KAZN: variants seen among roughly 807,000 people sequenced by gnomAD.
KAZN encodes kazrin, periplakin interacting protein, also known as kazrin.
In KAZN, 40 loss-of-function variants were observed where a neutral mutation model predicts 87.4. That is an observed-to-expected ratio of 0.46 (90% CI 0.36 to 0.60). The LOEUF is 0.60. Ranked by LOEUF, KAZN falls within the 20% of genes least tolerant of loss-of-function variation. The probability of loss-of-function intolerance (pLI) is 0.00; values close to 1 mark genes in which losing one functional copy is unlikely to be tolerated. For synonymous variants in KAZN, 466 were observed against 458.3 expected, an observed-to-expected ratio of 1.02 and a Z score of -0.22; for missense variants, 898 against 1,073.9, an observed-to-expected ratio of 0.84 and a Z score of 2.29.
At chr1:14,753,584 TA>T (rs199753799) in intron 1 of KAZN, among the ~76,000 whole-genome samples, 7,202 of 150,744 alleles carry the variant, frequency 0.048, 233 homozygotes, top group East Asian at 0.15. Flanking sequence ...TACTTAAAAT[TA>T]AAAAAAAATA....
intron 4 of KAZN, among the ~76,000 whole-genome samples, chr1:15,054,752 A>G (rs904039863): frequency 2.6e-5 from 4 of 152,280 alleles, no homozygotes; most frequent in Admixed American, 2.0e-4. Flanking sequence ...CACTTCTAAT[A>G]AAACCCCAGA....
intron 1 of KAZN, among the ~76,000 whole-genome samples, chr1:14,079,927 T>G (rs1311162043): frequency 6.8e-6 from 1 of 148,046 alleles, no homozygotes; most frequent in Non-Finnish European, 1.5e-5. Context: ...AATTTCAACA[T>G]GACATTTGCA....
chr1:14,755,013 G>A (rs936709616), intron 1 of KAZN, among the ~76,000 whole-genome samples: 2 of 151,440 alleles, frequency 1.3e-5, no homozygotes, highest in Admixed American at 6.6e-5. Context: ...CGGCCAAGGC[G>A]GGAGGATCGC....
At chr1:14,338,289 C>T (rs532711538) in intron 2 of KAZN, among the ~76,000 whole-genome samples, 1 of 149,232 alleles carries the variant, frequency 6.7e-6, no homozygotes, top group East Asian at 2.0e-4. Flanking sequence ...GCCTGGCCAA[C>T]ATGGCGAAAC....
intron 1 of KAZN, among the ~76,000 whole-genome samples, chr1:14,089,935 A>G (rs1408399353): frequency 2.6e-5 from 4 of 151,744 alleles, no homozygotes; most frequent in Admixed American, 1.3e-4. Context: ...AAATCACTCC[A>G]TTGTCTTCTA....
intron 2 of KAZN, among the ~76,000 whole-genome samples, chr1:14,523,946 G>A (rs554374963): frequency 4.6e-5 from 7 of 152,304 alleles, no homozygotes; most frequent in Non-Finnish European, 5.9e-5. Context: ...AGAGCGAGGT[G>A]TTGTTTTGAA....
intron 1 of KAZN, among the ~76,000 whole-genome samples, chr1:14,680,654 T>G (rs951312237): frequency 2.0e-5 from 3 of 152,102 alleles, no homozygotes; most frequent in African/African-American, 7.2e-5. Context: ...GATGTTCCCC[T>G]CCCTATGTCC....
chr1:14,866,675 T>C (rs1301117431), intron 1 of KAZN, among the ~76,000 whole-genome samples: 2 of 152,190 alleles, frequency 1.3e-5, no homozygotes, highest in Non-Finnish European at 2.9e-5. Flanking sequence ...TGCAGTGAGC[T>C]GTGATTGTGC....
At chr1:14,074,461 C>T (rs1360420823) in intron 1 of KAZN, among the ~76,000 whole-genome samples, 2 of 152,228 alleles carry the variant, frequency 1.3e-5, no homozygotes, top group African/African-American at 4.8e-5. Flanking sequence ...CAATGGGACC[C>T]TCTCCTGGGG....
chr1:14,627,488 C>G (rs970992941), intron 1 of KAZN, among the ~76,000 whole-genome samples: 21 of 152,144 alleles, frequency 1.4e-4, no homozygotes, highest in African/African-American at 4.8e-4. Context: ...CGATCTCACT[C>G]AGGACTTAAA....
chr1:14,717,069 C>A (rs978260351), intron 1 of KAZN, among the ~76,000 whole-genome samples: 2 of 150,068 alleles, frequency 1.3e-5, no homozygotes, highest in Non-Finnish European at 3.0e-5. Flanking sequence ...TCCTTGGACA[C>A]CTGGCCAGAT....
At chr1:14,419,481 T>G (rs1427768480) in intron 2 of KAZN, among the ~76,000 whole-genome samples, 1 of 152,208 alleles carries the variant, frequency 6.6e-6, no homozygotes, top group Non-Finnish European at 1.5e-5. Flanking sequence ...ACTCGCCTCT[T>G]CCCTGGACTT....
At chr1:14,124,898 G>A (rs1277269751) in intron 1 of KAZN, among the ~76,000 whole-genome samples, 1 of 152,202 alleles carries the variant, frequency 6.6e-6, no homozygotes, top group East Asian at 1.9e-4. Context: ...GGGCAGCACT[G>A]GGGAGGGGAG....
At chr1:14,570,478 G>C (rs1674797222) in intron 2 of KAZN, among the ~76,000 whole-genome samples, 1 of 152,146 alleles carries the variant, frequency 6.6e-6, no homozygotes, top group Non-Finnish European at 1.5e-5. Context: ...TTTCATATAA[G>C]TGGAATTGTA....
At position 14,184,455 on chromosome 1, in the gene KAZN, C is replaced by T. The variant is rs572805986; in HGVS notation, c.249+3863C>T. 1.6e-4 allele frequency among the ~76,000 whole-genome samples: 25 copies of T among 152,094 alleles called. No homozygotes were observed. The highest frequency in any genetic ancestry group is 4.8e-4 in the African/African-American group (20 of 41,474). ...TGTCTTTCTTTCTGTTATTTGTGTT[C>T]GGGGAACTGGAAAGCACATTTGCCA... On this transcript the variant is annotated intron_variant, in intron 2 of 16. Transcript: ENST00000636203. The surrounding 1 kb of genome is among the most constrained non-coding windows in gnomAD (Gnocchi z 4.2).
At chr1:13,957,827 C>T (rs1025630869) in intron 1 of KAZN, among the ~76,000 whole-genome samples, 2 of 152,066 alleles carry the variant, frequency 1.3e-5, no homozygotes, top group South Asian at 4.1e-4. Context: ...TCATTAGGCC[C>T]CATCTCAAAT....
At chr1:14,202,594 G>A (rs755185956) in intron 2 of KAZN, among the ~76,000 whole-genome samples, 11 of 152,168 alleles carry the variant, frequency 7.2e-5, no homozygotes, top group Non-Finnish European at 1.2e-4. Flanking sequence ...CTTAACTTCT[G>A]TGGGGAGTGT....
At chr1:13,939,916 A>G (rs899347590) in intron 1 of KAZN, among the ~76,000 whole-genome samples, 2 of 151,848 alleles carry the variant, frequency 1.3e-5, no homozygotes, top group Non-Finnish European at 2.9e-5. Flanking sequence ...TATCATGAGA[A>G]CTCACTATAC....
intron 2 of KAZN, among the ~76,000 whole-genome samples, chr1:14,193,789 A>C (rs551371536): frequency 6.6e-6 from 1 of 152,072 alleles, no homozygotes; most frequent in African/African-American, 2.4e-5. Context: ...ATCTCCATAG[A>C]GTAACAGCCT....
Sources: gnomAD v4.1 joint callset for allele counts (sites outside exome capture counted in the v4.1 genomes callset) on GRCh38, gnomAD v4.1.1 for gene constraint, Gnocchi (gnomAD v3.1) non-coding constraint, MANE v1.5 for transcripts, NCBI Gene and HGNC (gene_info 2026-07-23, HGNC 2026-07-21) for gene names.